Variants in GRID2 observed in about 807,000 individuals in gnomAD.
GRID2 encodes the protein glutamate ionotropic receptor delta type subunit 2.
Under a neutral mutation model 114.8 loss-of-function variants are expected in GRID2, and 33 were observed. That is an observed-to-expected ratio of 0.29 (90% confidence interval 0.22 to 0.38). GRID2 has a LOEUF of 0.38. Ranked by LOEUF, GRID2 falls within the 10% of genes least tolerant of loss-of-function variation. GRID2 has a pLI of 1.00. For synonymous variants in GRID2, 505 were observed against 449.9 expected (o/e 1.12, Z -1.55); for missense variants, 1,184 against 1,257.7 (o/e 0.94, Z 0.89).
At chr4:92,434,848 T>A (rs932391660) in intron 1 of GRID2, among the ~76,000 whole-genome samples, 3 of 152,092 alleles carry the variant, frequency 2.0e-5, no homozygotes, top group Admixed American at 6.5e-5. Flanking sequence ...GAGAAAATGC[T>A]CATATGAAAA....
intron 8 of GRID2, among the ~76,000 whole-genome samples, chr4:93,327,494 A>G (rs1757959751): frequency 1.3e-5 from 2 of 151,742 alleles, no homozygotes; most frequent in South Asian, 4.2e-4. Flanking sequence ...ATTTCTCAAG[A>G]CTCTCCCTTG....
intron 14 of GRID2, among the ~76,000 whole-genome samples, chr4:93,732,392 ACAAT>A (rs1412746089): frequency 3.3e-5 from 5 of 152,200 alleles, no homozygotes; most frequent in African/African-American, 9.7e-5. Flanking sequence ...GAATGCATGC[ACAAT>A]CAATGTAAAG....
At chr4:93,761,937 A>G (rs973912489) in intron 14 of GRID2, among the ~76,000 whole-genome samples, 2 of 152,192 alleles carry the variant, frequency 1.3e-5, no homozygotes, top group African/African-American at 4.8e-5. Context: ...AGATATGCCA[A>G]TCAAAGTGCC....
intron 1 of GRID2, among the ~76,000 whole-genome samples, chr4:92,567,767 T>G (rs1727405358): frequency 6.6e-6 from 1 of 152,070 alleles, no homozygotes; most frequent in African/African-American, 2.4e-5. Flanking sequence ...ATTGTTGATA[T>G]CTTTTAAAAT....
At chr4:92,748,334 A>T (rs1350909416) in intron 2 of GRID2, among the ~76,000 whole-genome samples, 1 of 152,176 alleles carries the variant, frequency 6.6e-6, no homozygotes, top group African/African-American at 2.4e-5. Context: ...GAAAATTCAG[A>T]TTCAGGTTTG....
At chr4:92,622,692 C>T (rs553331461) in intron 2 of GRID2, among the ~76,000 whole-genome samples, 4 of 151,758 alleles carry the variant, frequency 2.6e-5, no homozygotes, top group African/African-American at 7.2e-5. Context: ...GATCAGTCAT[C>T]GTCATCATCT....
At chr4:92,590,084 C>G in intron 1 of GRID2, 47 bp from the exon 2 acceptor site, 1 of 1,302,740 alleles carries the variant, frequency 7.7e-7, no homozygotes, top group African/African-American at 1.4e-5. Context: ...GAGGGGATGA[C>G]AGAATATTTA....
intron 1 of GRID2, among the ~76,000 whole-genome samples, chr4:92,320,161 A>G (rs1385131180): frequency 3.3e-5 from 5 of 152,190 alleles, no homozygotes; most frequent in Non-Finnish European, 5.9e-5. Context: ...TGTGAAGTGT[A>G]TATCTCAGAC....
chr4:92,690,200 T>TC, intron 2 of GRID2, among the ~76,000 whole-genome samples: 1 of 143,562 alleles, frequency 7.0e-6, no homozygotes, highest in Middle Eastern at 3.5e-3. Flanking sequence ...ACTGAAAGTT[T>TC]AAAAAAAAAA....
intron 13 of GRID2, among the ~76,000 whole-genome samples, chr4:93,526,548 G>A (rs1421994700): frequency 1.3e-5 from 2 of 152,172 alleles, no homozygotes; most frequent in African/African-American, 2.4e-5. Flanking sequence ...TGTGGCTCAC[G>A]CCTGTAATCC....
chr4:93,725,972 A>C (rs1729841448), intron 14 of GRID2, among the ~76,000 whole-genome samples: 1 of 152,136 alleles, frequency 6.6e-6, no homozygotes, highest in South Asian at 2.1e-4. Context: ...TGCTGTGCAG[A>C]AGCTCTTTAG....
chr4:93,108,946 AGGTATATT>A (rs1387233219), intron 3 of GRID2, among the ~76,000 whole-genome samples: 1 of 152,034 alleles, frequency 6.6e-6, no homozygotes, highest in East Asian at 1.9e-4. Flanking sequence ...TGTATTCTAA[AGGTATATT>A]GGTTCTGGGG....
At chr4:93,743,901 A>C (rs1403869643) in intron 14 of GRID2, among the ~76,000 whole-genome samples, 1 of 152,178 alleles carries the variant, frequency 6.6e-6, no homozygotes, top group Admixed American at 6.5e-5. Flanking sequence ...TTGACTTCAG[A>C]GCTTCAAAGG....
intron 1 of GRID2, among the ~76,000 whole-genome samples, chr4:92,539,041 CAAA>C (rs36120695): frequency 7.8e-5 from 8 of 102,212 alleles, no homozygotes; most frequent in Admixed American, 2.1e-4. Flanking sequence ...GACTCCATCT[CAAA>C]AAAAAAAAAA....
At chr4:92,362,079 T>C (rs1348737351) in intron 1 of GRID2, among the ~76,000 whole-genome samples, 1 of 152,014 alleles carries the variant, frequency 6.6e-6, no homozygotes, top group Non-Finnish European at 1.5e-5. Flanking sequence ...TTGAACAACA[T>C]ACTCAGACTG....
At chr4:93,353,156 A>G (rs1425874636) in intron 8 of GRID2, among the ~76,000 whole-genome samples, 1 of 152,066 alleles carries the variant, frequency 6.6e-6, no homozygotes, top group Non-Finnish European at 1.5e-5. Context: ...GGTAACACAT[A>G]GTAGTGAGCG....
intron 2 of GRID2, among the ~76,000 whole-genome samples, chr4:92,791,764 A>T (rs1739603054): frequency 6.6e-6 from 1 of 151,842 alleles, no homozygotes; most frequent in Non-Finnish European, 1.5e-5. Context: ...GACAGCAGTA[A>T]CCCTTTCTTT....
intron 14 of GRID2, among the ~76,000 whole-genome samples, chr4:93,682,222 C>G (rs1356751479): frequency 6.7e-6 from 1 of 148,386 alleles, no homozygotes; most frequent in Admixed American, 6.7e-5. Flanking sequence ...AAATCAAAAC[C>G]ACAATGAGAT....
At chr4:92,357,921 C>T (rs1321392282) in intron 1 of GRID2, among the ~76,000 whole-genome samples, 2 of 151,766 alleles carry the variant, frequency 1.3e-5, no homozygotes, top group Non-Finnish European at 2.9e-5. Flanking sequence ...ACATATTTGA[C>T]AAGTTTCATT....
Sources: gnomAD v4.1 joint callset for allele counts (sites outside exome capture counted in the v4.1 genomes callset) on GRCh38, gnomAD v4.1.1 for gene constraint, MANE v1.5 for transcripts, NCBI Gene and HGNC (gene_info 2026-07-23, HGNC 2026-07-21) for gene names.